Variants in DOP1B observed in about 807,000 individuals in gnomAD.
The protein encoded by DOP1B is DOP1 leucine zipper like protein B, also known as protein DOP1B.
DOP1B carries 174 observed loss-of-function variants against 233.5 expected under a neutral mutation model. The observed-to-expected ratio is 0.75, with a 90% CI of 0.66 to 0.85. DOP1B has a LOEUF of 0.85. Ranked by LOEUF, DOP1B falls within the 40% of genes least tolerant of loss-of-function variation. DOP1B has a pLI of 0.00. For missense variants in DOP1B, 2,652 were observed against 2,846.6 expected (o/e 0.93, Z 1.56); for synonymous variants, 1,190 against 1,185.6 (o/e 1.00, Z -0.08).
At chr21:36,281,254 C>G (rs2067412477) in intron 31 of DOP1B, among the ~76,000 whole-genome samples, 1 of 152,206 alleles carries the variant, frequency 6.6e-6, no homozygotes, top group African/African-American at 2.4e-5. Context: ...TGTGATCCCA[C>G]CACTGCACTC....
chr21:36,229,661 CTTTT>C (rs373779563), intron 13 of DOP1B, among the ~76,000 whole-genome samples: 2 of 127,706 alleles, frequency 1.6e-5, no homozygotes, highest in Admixed American at 8.0e-5. Context: ...CTTGCTTTAC[CTTTT>C]TTTTTTTTTT....
chr21:36,291,746 A>T (rs890459243), intron 35 of DOP1B, among the ~76,000 whole-genome samples: 7 of 152,196 alleles, frequency 4.6e-5, no homozygotes, highest in Non-Finnish European at 7.3e-5. Context: ...TGGAATCTGG[A>T]TGAACCGGAA....
intron 2 of DOP1B, 63 bp downstream of exon 2, chr21:36,164,934 T>G: frequency 7.5e-7 from 1 of 1,327,990 alleles, no homozygotes; most frequent in African/African-American, 1.5e-5. Flanking sequence ...TTTTTATTAT[T>G]ATAAGAAATT....
rs2067373576 is a variant in DOP1B at position 36,278,089 on chromosome 21, C to T, written c.5822+5C>T. On this transcript the variant is annotated splice_donor_5th_base_variant and intron_variant, in intron 29 of 36. Transcript: ENST00000691173. ...TCCATACTTACGCAACCACAGGTAA[C>T]GTCATCTTCGCCATTTCTTCCCACC... 15 of 1,613,690 alleles carry T rather than the reference C, an allele frequency of 9.3e-6. No homozygotes were observed. The highest frequency in any genetic ancestry group is 2.2e-5 in the East Asian group (1 of 44,884).
chr21:36,242,895 A>G (rs1250547098), intron 18 of DOP1B, among the ~76,000 whole-genome samples: 1 of 152,054 alleles, frequency 6.6e-6, no homozygotes, highest in Non-Finnish European at 1.5e-5. Flanking sequence ...TGTCCATGGC[A>G]TAGAGTTTTT....
intron 1 of DOP1B, among the ~76,000 whole-genome samples, chr21:36,161,954 C>T (rs1398537435): frequency 6.6e-6 from 1 of 152,200 alleles, no homozygotes; most frequent in Non-Finnish European, 1.5e-5. Flanking sequence ...TTTCCATTGC[C>T]TCAGCGTTCC....
At chr21:36,157,720 T>C (rs2065832589) in intron 1 of DOP1B, among the ~76,000 whole-genome samples, 1 of 152,156 alleles carries the variant, frequency 6.6e-6, no homozygotes, top group Non-Finnish European at 1.5e-5. Flanking sequence ...TGTCCCAGAG[T>C]TGATTAAGCC....
Position 36,277,065 on chromosome 21 carries a change from G to T in DOP1B, c.5677G>T (p.Val1893Leu). The change falls in exon 28 of 37, where the codon GTG becomes TTG. Residue 1893 changes from valine to leucine, a missense_variant. By Grantham distance (32) the Val-to-Leu change is conservative. Around this residue, in one of 3 missense-constraint regions of DOP1B, gnomAD observed 2,617 missense variants for 2,794.3 expected, o/e 0.94. Coordinates refer to ENST00000691173, the MANE Select transcript of DOP1B (RefSeq NM_001320714.2). ...AATGGTGTCTTCATCCGCCCCGTCG[G>T]TGTACAGCGTGCAAGCCCTCTCTCT... is the stretch of plus-strand genomic sequence containing the variant. Reference protein sequence around the residue: ...SAMVSSSAPSVYSVQALSLLA... With the variant: ...SAMVSSSAPSLYSVQALSLLA... 6.2e-7 allele frequency: 1 copy of T among 1,614,122 alleles called. No homozygotes were observed. The highest frequency in any genetic ancestry group is 8.5e-7 in the Non-Finnish European group (1 of 1,180,008).
At chr21:36,233,188 T>G in intron 15 of DOP1B, 113 bp downstream of exon 15, 1 of 1,332,168 alleles carries the variant, frequency 7.5e-7, no homozygotes, top group East Asian at 2.5e-5. Flanking sequence ...AGTGATATTC[T>G]ATAGGGCACT....
intron 2 of DOP1B, among the ~76,000 whole-genome samples, chr21:36,173,791 C>T (rs1246369566): frequency 6.6e-6 from 1 of 151,736 alleles, no homozygotes; most frequent in Non-Finnish European, 1.5e-5. Context: ...GCCTGATTTA[C>T]AGCTTTGATT....
At chr21:36,241,311 A>T (rs1217737293) in intron 18 of DOP1B, among the ~76,000 whole-genome samples, 1 of 151,756 alleles carries the variant, frequency 6.6e-6, no homozygotes. Flanking sequence ...AAAGAAAGAA[A>T]AGAAGAACAA....
At chr21:36,185,102 G>A (rs1421834576) in intron 2 of DOP1B, among the ~76,000 whole-genome samples, 1 of 152,104 alleles carries the variant, frequency 6.6e-6, no homozygotes, top group Non-Finnish European at 1.5e-5. Flanking sequence ...AAGCTTTGGT[G>A]TTTGTTAAAC....
chr21:36,230,395 C>G, intron 13 of DOP1B, 55 bp from the exon 14 acceptor site: 2 of 1,529,152 alleles, frequency 1.3e-6, no homozygotes, highest in South Asian at 1.3e-5. Context: ...TCAACTGATA[C>G]TTAAATAGCT....
In DOP1B at chr21:36,245,398, A is replaced by C. The variant is rs2066946395; in HGVS notation, c.3418A>C (p.Asn1140His). 1 of 1,613,958 alleles carries C rather than the reference A, an allele frequency of 6.2e-7. No homozygotes were observed. The highest frequency in any genetic ancestry group is 1.3e-5 in the African/African-American group (1 of 74,936). ...TTCCCACGACCTGCAGGAGCTGAGC[A>C]ACGAAGAGAACTGCTGTGCACCCAT... Reference protein sequence around the residue: ...SPSHDLQELSNEENCCAPIPM... With the variant: ...SPSHDLQELSHEENCCAPIPM... Residue 1140 changes from asparagine to histidine, a missense_variant, in exon 19 of 37, where the codon AAC becomes CAC. This residue lies in a region of DOP1B where 2,617 missense variants were observed against 2,794.3 expected (regional missense o/e 0.94). Coordinates refer to ENST00000691173, the MANE Select transcript of DOP1B (RefSeq NM_001320714.2). This position sits in a 1 kb window ranked among gnomAD's most constrained non-coding sequence, Gnocchi z 5.5.
chr21:36,244,969 A>G (rs777496212), intron 18 of DOP1B, 79 bp from the exon 19 acceptor site: 163 of 1,422,428 alleles, frequency 1.1e-4, no homozygotes, highest in Non-Finnish European at 1.5e-4. Flanking sequence ...GTCTGGCTTT[A>G]AGACAAAGAC....
At chr21:36,274,242 G>T (rs549418383) in intron 27 of DOP1B, among the ~76,000 whole-genome samples, 197 of 152,164 alleles carry the variant, frequency 1.3e-3, no homozygotes, top group Non-Finnish European at 9.7e-4. Flanking sequence ...GGAAGTCCAG[G>T]TAAAAGGATT....
At chr21:36,205,190 G>A (rs1670179149) in intron 4 of DOP1B, among the ~76,000 whole-genome samples, 1 of 152,204 alleles carries the variant, frequency 6.6e-6, no homozygotes, top group African/African-American at 2.4e-5. Flanking sequence ...CAAAGTTGTG[G>A]AGTGCTTGGG....
rs1156639493 is a variant in DOP1B, at chr21:36,185,812, ACT to A, written c.139-13255_139-13254del. On this transcript the variant is annotated intron_variant, in intron 2 of 36. Transcript: ENST00000691173. The stretch of plus-strand genomic sequence containing the variant: ...GCTTTGAGTCTAAGTGTCATAATAA[ACT>A]CTGACGGGGAAAAATAAGGGGCAGC... Among the ~76,000 whole-genome samples, 3 of 151,994 alleles carry A rather than the reference ACT, an allele frequency of 2.0e-5. No individual in the cohort carries two copies. The South Asian group carries it at 6.2e-4, about 31-fold the overall frequency.
chr21:36,239,408 C>T (rs1263361063), intron 17 of DOP1B, among the ~76,000 whole-genome samples: 1 of 152,142 alleles, frequency 6.6e-6, no homozygotes, highest in Admixed American at 6.5e-5. Context: ...TGATTGCAGC[C>T]CATTGTATTC....
Sources: allele counts gnomAD v4.1 joint callset (sites outside exome capture counted in the v4.1 genomes callset), GRCh38; gene constraint gnomAD v4.1.1; regional missense constraint gnomAD v4.1.1; non-coding constraint Gnocchi (gnomAD v3.1); transcripts MANE v1.5; gene names NCBI Gene and HGNC (gene_info 2026-07-23, HGNC 2026-07-21).